ACAT2: variants seen among roughly 807,000 people sequenced by gnomAD.
ACAT2 encodes acetyl-CoA acetyltransferase, cytosolic.
ACAT2 carries 26 observed loss-of-function variants against 37.1 expected under a neutral mutation model. The ratio of observed to expected loss-of-function variants is 0.70; its 90% CI spans 0.51 to 0.97. ACAT2 has a LOEUF of 0.97. Ranked by LOEUF, ACAT2 falls within the 50% of genes least tolerant of loss-of-function variation. The pLI, the probability that ACAT2 is intolerant of heterozygous loss-of-function variation, is 0.00. For synonymous variants in ACAT2, 156 were observed against 163.6 expected, an observed-to-expected ratio of 0.95 and a Z score of 0.35; for missense variants, 468 against 489.0, an observed-to-expected ratio of 0.96 and a Z score of 0.40.
intron 1 of ACAT2, chr6:159,762,483 A>G (rs1780163390): frequency 7.6e-7 from 1 of 1,311,310 alleles, no homozygotes; most frequent in Non-Finnish European, 9.8e-7. Context: ...GCCATCGGTA[A>G]TGCCTGCGGC....
Position 159,779,081 on chromosome 6 carries a change from A to C in ACAT2, c.*252A>C. On this transcript the variant is annotated 3_prime_UTR_variant, in exon 9 of 9. Coordinates refer to ENST00000367048, the MANE Select transcript of ACAT2 (RefSeq NM_005891.3). ...GGGCTCCAGAGTGAACAGCATCTTC[A>C]TAACTTCCATGTTTATCATCTTTAC... 6.2e-7 allele frequency: 1 copy of C among 1,614,124 alleles called. No homozygotes were observed. Among genetic ancestry groups the C allele is most frequent in the Middle Eastern group, 1.6e-4 (1 of 6,062 alleles).
chr6:159,763,794 C>T (rs1780205164), intron 2 of ACAT2, among the ~76,000 whole-genome samples: 1 of 150,562 alleles, frequency 6.6e-6, no homozygotes, highest in Non-Finnish European at 1.5e-5. Flanking sequence ...CGGCCCACTG[C>T]CTTTTCATTC....
At chr6:159,766,488 G>A (rs569336114) in intron 2 of ACAT2, among the ~76,000 whole-genome samples, 4 of 151,510 alleles carry the variant, frequency 2.6e-5, no homozygotes, top group Admixed American at 6.6e-5. Context: ...CGCAACCTCC[G>A]CTTCCCAGGT....
Position 159,762,108 on chromosome 6 carries a change from T to C in ACAT2, c.21T>C (p.Pro7=), listed in dbSNP as rs775943845. MNAGSD[P]VVIVSAARTI... ...GCAAGATGAATGCAGGCTCAGATCCTGTGGTCATCGTCTCGGCGGCGCGGA... is the reference window on the plus strand; with the variant it reads ...GCAAGATGAATGCAGGCTCAGATCCCGTGGTCATCGTCTCGGCGGCGCGGA... Residue 7 remains proline, a synonymous_variant, in exon 1 of 9, where the codon CCT becomes CCC. Coordinates refer to ENST00000367048, the MANE Select transcript of ACAT2 (RefSeq NM_005891.3). 2 of 1,612,942 alleles carry C rather than the reference T, an allele frequency of 1.2e-6. No individual in the cohort carries two copies. The highest frequency in any genetic ancestry group is 2.2e-5 in the East Asian group (1 of 44,824).
intron 8 of ACAT2, 96 bp from the exon 9 acceptor site, chr6:159,778,563 T>C (rs1399277166): frequency 7.4e-7 from 1 of 1,358,666 alleles, no homozygotes; most frequent in Non-Finnish European, 1.0e-6. Context: ...TTTGAAAGGG[T>C]AGCATGCTGA....
chr6:159,778,135 A>G (rs1780465499), intron 7 of ACAT2, 35 bp from the exon 8 acceptor site: 1 of 1,454,498 alleles, frequency 6.9e-7, no homozygotes, highest in South Asian at 1.2e-5. Flanking sequence ...TTTCCACCCA[A>G]GTTTAGACCT....
At chr6:159,763,690 A>G (rs9365094) in intron 2 of ACAT2, among the ~76,000 whole-genome samples, 27,331 of 116,388 alleles carry the variant, frequency 0.23, 3,082 homozygotes, top group East Asian at 0.45. Context: ...CCCAGGCTGG[A>G]GTGCAGTGGC....
At chr6:159,775,521 C>A in intron 5 of ACAT2, 1 of 554,246 alleles carries the variant, frequency 1.8e-6, no homozygotes, top group Non-Finnish European at 3.1e-6. Flanking sequence ...CTCAAGCACT[C>A]TTGGTTCCAG....
intron 2 of ACAT2, 131 bp downstream of exon 2, chr6:159,763,184 A>T (rs1780186018): frequency 7.8e-7 from 1 of 1,277,276 alleles, no homozygotes; most frequent in Non-Finnish European, 1.1e-6. Flanking sequence ...GCTTTTGCTC[A>T]GAGTTCCCTC....
intron 5 of ACAT2, 70 bp from the exon 6 acceptor site, chr6:159,776,080 A>G (rs1183034487): frequency 6.5e-7 from 1 of 1,541,450 alleles, no homozygotes; most frequent in African/African-American, 1.4e-5. Context: ...ATGGCAGAGA[A>G]CCCACCATTC....
Position 159,777,406 on chromosome 6 carries a change from G to C in ACAT2, c.862G>C (p.Val288Leu). ...GATAGTTTCCTGGTCCCAAGTGGGT[G>C]TGGAGCCTTCCATTATGGGAATAGG... is the stretch of plus-strand genomic sequence containing the variant. ...ARIVSWSQVG[V>L]EPSIMGIGPI... is the part of the protein sequence containing the mutation. Residue 288 changes from valine (V) to leucine (L), a missense_variant, in exon 7 of 9, where the codon GTG becomes CTG. By Grantham distance (32) the Val-to-Leu change is conservative. Coordinates refer to ENST00000367048, the MANE Select transcript of ACAT2 (RefSeq NM_005891.3). The C allele has an allele frequency of 6.2e-7, 1 of 1,614,212 alleles. No homozygotes were observed. The highest frequency in any genetic ancestry group is 8.5e-7 in the Non-Finnish European group (1 of 1,180,030).
At chr6:159,776,004 C>T in intron 5 of ACAT2, 146 bp from the exon 6 acceptor site, 1 of 803,136 alleles carries the variant, frequency 1.2e-6, no homozygotes, top group Non-Finnish European at 2.0e-6. Flanking sequence ...TGTGTACTTT[C>T]CTCCTGTTGT....
intron 1 of ACAT2, 150 bp downstream of exon 1, chr6:159,762,292 G>C: frequency 8.0e-7 from 1 of 1,253,114 alleles, no homozygotes; most frequent in Non-Finnish European, 1.1e-6. Context: ...GGAACCCTGC[G>C]GCTCCCGCGT....
At chr6:159,766,094 TC>T (rs1259404291) in intron 2 of ACAT2, among the ~76,000 whole-genome samples, 1 of 152,196 alleles carries the variant, frequency 6.6e-6, no homozygotes, top group Non-Finnish European at 1.5e-5. Flanking sequence ...CTAAAGGAAG[TC>T]CCATAGTTGA....
intron 6 of ACAT2, 107 bp downstream of exon 6, chr6:159,776,379 G>T (rs770679114): frequency 1.9e-4 from 257 of 1,335,456 alleles, no homozygotes; most frequent in Admixed American, 3.7e-4. Flanking sequence ...TTTGGGACAG[G>T]GACTCACTCT....
At position 159,776,164 on chromosome 6, in the gene ACAT2, A is replaced by G. The variant is rs764924294; in HGVS notation, c.649A>G (p.Lys217Glu). 17 of 1,614,074 alleles carry G rather than the reference A, an allele frequency of 1.1e-5. 1 individual carries two copies. In the Middle Eastern group the frequency reaches 5.0e-4, roughly 47 times the overall value. The stretch of plus-strand genomic sequence containing the variant: ...CCTTTGCTTAGGTCTTATTGAAGTT[A>G]AAACAGATGAGTTTCCTCGCCATGG... ...VSTRKGLIEV[K>E]TDEFPRHGSN... The change falls in exon 6 of 9, where the codon AAA (lysine) becomes GAA (glutamate). Residue 217 changes from lysine (K) to glutamate (E), a missense_variant. Lys to Glu is a moderately conservative substitution (Grantham distance 56). Coordinates refer to ENST00000367048, the MANE Select transcript of ACAT2 (RefSeq NM_005891.3).
chr6:159,763,125 C>T, intron 2 of ACAT2, 72 bp downstream of exon 2: 1 of 1,519,298 alleles, frequency 6.6e-7, no homozygotes, highest in African/African-American at 1.4e-5. Flanking sequence ...CACACACACA[C>T]TCTCACACAC....
chr6:159,765,112 A>T (rs939921924), intron 2 of ACAT2, among the ~76,000 whole-genome samples: 1 of 151,902 alleles, frequency 6.6e-6, no homozygotes, highest in African/African-American at 2.4e-5. Flanking sequence ...TTAGCACCTC[A>T]TTTCTTTCTT....
rs1187488598 is a variant in ACAT2 at position 159,778,838 on chromosome 6, A to G, written c.*9A>G. ...GTGTTCAGAGAGAATGAATTGCTTA[A>G]ACTTTGAACAACCTCAATTTCTTTT... On this transcript the variant is annotated 3_prime_UTR_variant, in exon 9 of 9. Coordinates refer to ENST00000367048, the MANE Select transcript of ACAT2 (RefSeq NM_005891.3). 1 of 1,614,036 alleles carries G rather than the reference A, an allele frequency of 6.2e-7. No homozygotes were observed. The highest frequency in any genetic ancestry group is 1.7e-5 in the Admixed American group (1 of 60,012).
Sources: gnomAD v4.1 joint callset for allele counts (sites outside exome capture counted in the v4.1 genomes callset) on GRCh38, gnomAD v4.1.1 for gene constraint, MANE v1.5 for transcripts, NCBI Gene and HGNC (gene_info 2026-07-23, HGNC 2026-07-21) for gene names.